Variants in KRT5 observed in about 807,000 individuals in gnomAD.
KRT5 encodes the protein keratin, type II cytoskeletal 5.
KRT5 carries 17 observed loss-of-function variants against 44.0 expected under a neutral mutation model. The observed-to-expected ratio is 0.39, with a 90% confidence interval of 0.26 to 0.58. The LOEUF (loss-of-function observed/expected upper bound fraction) is 0.58. Among genes scored for constraint, KRT5 ranks in the 20% least tolerant of loss-of-function variants. KRT5 has a pLI of 0.61. For synonymous variants in KRT5, 329 were observed against 312.8 expected (o/e 1.05, Z -0.55); for missense variants, 737 against 785.5 (o/e 0.94, Z 0.74).
Position 52,517,126 on chromosome 12 carries a change from A to G in KRT5, c.1199T>C (p.Ile400Thr), listed in dbSNP as rs979317659. Reference protein sequence around the residue: ...NRMIQRLRAEIDNVKKQCANL... With the variant: ...NRMIQRLRAETDNVKKQCANL... ...CCCTACCTGTTTCTTGACATTGTCA[A>G]TCTCGGCTCTCAGCCTCTGGATCAT... Residue 400 changes from isoleucine (I) to threonine (T), a missense_variant, in exon 6 of 9, where the codon ATT becomes ACT. Physicochemically the swap from Ile to Thr is moderately conservative, Grantham distance 89 (BLOSUM62 -1). This residue lies in a region of KRT5 where 344 missense variants were observed against 351.6 expected (regional missense o/e 0.98). Coordinates refer to ENST00000252242, the MANE Select transcript of KRT5 (RefSeq NM_000424.4). 1.2e-5 allele frequency: 19 copies of G among 1,613,992 alleles called. No homozygotes were observed. The highest frequency in any genetic ancestry group is 2.5e-6 in the Non-Finnish European group (3 of 1,180,044).
At chr12:52,516,424 C>G (rs1003421862) in intron 7 of KRT5, 44 of 597,186 alleles carry the variant, frequency 7.4e-5, no homozygotes, top group Non-Finnish European at 1.2e-4. Context: ...GCTTGGAGGA[C>G]AGCCAGTGCC....
chr12:52,515,883 A>G (rs1257028211), intron 7 of KRT5, 51 bp from the exon 8 acceptor site: 8 of 1,499,048 alleles, frequency 5.3e-6, no homozygotes, highest in South Asian at 1.1e-5. Context: ...AAAAGACAGC[A>G]TTAGTCTATG....
chr12:52,514,990 G>C lies in KRT5; in HGVS notation c.1725C>G (p.Val575=), dbSNP rs1266350871. ...AGGAGGAGGTGGTGGAGACAAATTT[G>C]ACGCTGGAGCTGCTACCCCCGCCAC... The part of the protein sequence containing the change: ...FGSGGGSSSS[V]KFVSTTSSSR... Residue 575 remains valine, a synonymous_variant, in exon 9 of 9, where the codon GTC becomes GTG. Transcript: ENST00000252242. 6.2e-7 allele frequency: 1 copy of C among 1,613,278 alleles called. No homozygotes were observed. Among genetic ancestry groups the C allele is most frequent in the Non-Finnish European group, 8.5e-7 (1 of 1,179,866 alleles).
At chr12:52,517,321 T>C in intron 5 of KRT5, 89 bp from the exon 6 acceptor site, 1 of 1,506,178 alleles carries the variant, frequency 6.6e-7, no homozygotes, top group Non-Finnish European at 9.2e-7. Context: ...TACTAAGTGG[T>C]GGCAAATAGT....
Position 52,519,754 on chromosome 12 carries a change from G to A in KRT5, c.543C>T (p.Ser181=), listed in dbSNP as rs556695887. The change falls in exon 1 of 9, where the codon TCC becomes TCT. Residue 181 remains serine, a synonymous_variant. Transcript: ENST00000252242. ...QIKTLNNKFA[S]FIDKVRFLEQ... is the part of the protein sequence containing the mutation. ...GATCGTAGCTCACCTTGTCGATGAA[G>A]GAGGCAAACTTATTGTTGAGGGTCT... 1 of 1,613,906 alleles carries A rather than the reference G, an allele frequency of 6.2e-7. No individual in the cohort carries two copies. The highest frequency in any genetic ancestry group is 1.3e-5 in the African/African-American group (1 of 74,996).
intron 2 of KRT5, among the ~76,000 whole-genome samples, chr12:52,518,688 C>T (rs1191044741): frequency 1.3e-5 from 2 of 152,178 alleles, no homozygotes; most frequent in South Asian, 2.1e-4. Context: ...CAGATTTCAC[C>T]AGGTAGTGCC....
rs1938598460 is a variant in KRT5, at chr12:52,515,677, A to G, written c.1474+121T>C. 2.1e-5 allele frequency: 17 copies of G among 827,654 alleles called. No homozygotes were observed. In the South Asian group the frequency reaches 2.3e-4, roughly 11 times the overall value. 51.3% of individuals were successfully genotyped at this position (827,654 alleles called of 1,614,324 possible). On this transcript the variant is annotated intron_variant, in intron 8 of 8. Transcript: ENST00000252242. Reference sequence around the variant, plus strand: ...CCACCCACAACTTACTAAGTGTATTATTATAAATAACCATATGCTGGGATG... The same window carrying G: ...CCACCCACAACTTACTAAGTGTATTGTTATAAATAACCATATGCTGGGATG...
Position 52,519,152 on chromosome 12 carries a change from G to A in KRT5, c.564C>T (p.Phe188=), listed in dbSNP as rs1266821505. Residue 188 remains phenylalanine (F), a synonymous_variant, in exon 2 of 9, where the codon TTC becomes TTT. Transcript: ENST00000252242. ...KFASFIDKVR[F]LEQQNKVLDT... is the part of the protein sequence containing the mutation. The stretch of plus-strand genomic sequence containing the variant: ...CCAGAACCTTGTTCTGCTGCTCCAG[G>A]AACCGCACCTGGAGGGGAGCAGGGT... 1.2e-6 allele frequency: 2 copies of A among 1,614,196 alleles called. No individual in the cohort carries two copies. Among genetic ancestry groups the A allele is most frequent in the Non-Finnish European group, 1.7e-6 (2 of 1,180,040 alleles).
rs976096175 is a variant in KRT5 at position 52,519,437 on chromosome 12, A to G, written c.556-277T>C. 1.4e-5 allele frequency: 9 copies of G among 630,826 alleles called. No individual in the cohort carries two copies. The South Asian group carries it at 1.5e-4, about 11-fold the overall frequency. 39.1% of individuals were successfully genotyped at this position (630,826 alleles called of 1,614,324 possible). On this transcript the variant is annotated intron_variant, in intron 1 of 8. Transcript: ENST00000252242. The stretch of plus-strand genomic sequence containing the variant: ...TGCAAAGGCACTCAGGCTGCTGCCC[A>G]TGCACTTGTCTACCTTCCTGTACAG...
rs638907 is a variant in KRT5 at position 52,519,733 on chromosome 12, G to A, written c.555+9C>T. On this transcript the variant is annotated intron_variant, in intron 1 of 8. Transcript: ENST00000252242. ...CCACAGTGATTTTTTACAAAAGATC[G>A]TAGCTCACCTTGTCGATGAAGGAGG... 0.24 allele frequency: 381,618 copies of A among 1,611,118 alleles called. 49,781 individuals carry two copies. The highest frequency in any genetic ancestry group is 0.27 in the Middle Eastern group (1,623 of 5,956).
rs1262403815 is a variant in KRT5, at chr12:52,519,953, A to G, written c.344T>C (p.Phe115Ser). 22 of 1,612,218 alleles carry G rather than the reference A, an allele frequency of 1.4e-5. No individual in the cohort carries two copies. Among genetic ancestry groups the G allele is most frequent in the African/African-American group, 2.7e-5 (2 of 74,670 alleles). Residue 115 changes from phenylalanine (F) to serine (S), a missense_variant, in exon 1 of 9, where the codon TTT (phenylalanine) becomes TCT (serine). Transcript: ENST00000252242. ...AAAGCCAGCTCCGCCACCGAGCCCA[A>G]AGCCACCACCAGCTCCACCGCCGAA... Reference protein sequence around the residue: ...FGFGGGAGGGFGLGGGAGFGG... With the variant: ...FGFGGGAGGGSGLGGGAGFGG...
chr12:52,518,005 G>C lies in KRT5; in HGVS notation c.832-13C>G, dbSNP rs949864684. ...CAGCATCTACATCCTGGGGAAACAG[G>C]GATGATTGGCACTGCACACACCGTC... On this transcript the variant is annotated splice_polypyrimidine_tract_variant and intron_variant, in intron 3 of 8. Transcript: ENST00000252242. 3 of 1,612,866 alleles carry C rather than the reference G, an allele frequency of 1.9e-6. No individual in the cohort carries two copies. The highest frequency in any genetic ancestry group is 2.5e-6 in the Non-Finnish European group (3 of 1,178,928).
Position 52,520,310 on chromosome 12 carries a change from T to C in KRT5, c.-14A>G, listed in dbSNP as rs1410400657. The C allele has an allele frequency of 3.1e-6, 5 of 1,611,896 alleles. No individual in the cohort carries two copies. The highest frequency in any genetic ancestry group is 4.2e-6 in the Non-Finnish European group (5 of 1,179,604). ...CTGGCGAGACATGGTGGCTTGTTCC[T>C]GGTGGAGCAAGAGAACCAGGCACTA... On this transcript the variant is annotated 5_prime_UTR_variant, in exon 1 of 9. Coordinates refer to ENST00000252242, the MANE Select transcript of KRT5 (RefSeq NM_000424.4).
Position 52,520,211 on chromosome 12 carries a change from C to G in KRT5, c.86G>C (p.Arg29Pro). 1 of 1,614,040 alleles carries G rather than the reference C, an allele frequency of 6.2e-7. No individual in the cohort carries two copies. Among genetic ancestry groups the G allele is most frequent in the Non-Finnish European group, 8.5e-7 (1 of 1,180,004 alleles). ...TASAITPSVS[R>P]TSFTSVSRSG... is the part of the protein sequence containing the mutation. ...CCGGGACACGGAGGTGAAGCTGGTG[C>G]GGGAGACAGACGGGGTGATGGCAGA... Residue 29 changes from arginine (R) to proline (P), a missense_variant, in exon 1 of 9, where the codon CGC becomes CCC. Physicochemically the swap from Arg to Pro is moderately radical, Grantham distance 103. Transcript: ENST00000252242.
intron 2 of KRT5, chr12:52,518,633 A>G: frequency 1.8e-6 from 1 of 567,946 alleles, no homozygotes; most frequent in Non-Finnish European, 3.2e-6. Context: ...CCAAAGGCCC[A>G]TGTACCGGGG....
intron 1 of KRT5, 100 bp downstream of exon 1, chr12:52,519,642 A>G (rs918692521): frequency 1.2e-5 from 15 of 1,246,992 alleles, no homozygotes; most frequent in Non-Finnish European, 2.4e-6. Flanking sequence ...CTGTACAACT[A>G]TAAAAGTATT....
Position 52,516,870 on chromosome 12 carries a change from A to T in KRT5, c.1219-13T>A. 2 of 1,613,850 alleles carry T rather than the reference A, an allele frequency of 1.2e-6. No individual in the cohort carries two copies. Among genetic ancestry groups the T allele is most frequent in the Non-Finnish European group, 1.7e-6 (2 of 1,179,794 alleles). On this transcript the variant is annotated splice_polypyrimidine_tract_variant and intron_variant, in intron 6 of 8. Coordinates refer to ENST00000252242, the MANE Select transcript of KRT5 (RefSeq NM_000424.4). ...GCAGATTGGCGCACTACAGATAGAAAGGAGGAGAGTGGGGTTGCTTGGGAC... is the reference window on the plus strand; with the variant it reads ...GCAGATTGGCGCACTACAGATAGAATGGAGGAGAGTGGGGTTGCTTGGGAC...
At chr12:52,518,857 G>A in intron 2 of KRT5, 89 bp downstream of exon 2, 1 of 1,505,476 alleles carries the variant, frequency 6.6e-7, no homozygotes, top group Non-Finnish European at 9.2e-7. Flanking sequence ...CAGCCCCAAA[G>A]GAAGGCATGG....
rs191867115 is a variant in KRT5 at position 52,516,535 on chromosome 12, C to T, written c.1439+102G>A. On this transcript the variant is annotated intron_variant, in intron 7 of 8. Coordinates refer to ENST00000252242, the MANE Select transcript of KRT5 (RefSeq NM_000424.4). The stretch of plus-strand genomic sequence containing the variant: ...TAGTGTTGATGATGTGTCATTATCA[C>T]GCACAAGTCACTGATCTCATGTATG... The T allele has an allele frequency of 7.9e-4, 905 of 1,152,270 alleles. 4 individuals are homozygous for T. Among genetic ancestry groups the T allele is most frequent in the Middle Eastern group, 3.0e-3 (11 of 3,708 alleles). The allele number at this position is 1,152,270 out of a possible 1,614,324, so 71.4% of individuals were successfully genotyped here.
Sources: gnomAD v4.1 joint callset for allele counts (sites outside exome capture counted in the v4.1 genomes callset) on GRCh38, gnomAD v4.1.1 for gene constraint, gnomAD v4.1.1 regional missense constraint, MANE v1.5 for transcripts, NCBI Gene and HGNC (gene_info 2026-07-23, HGNC 2026-07-21) for gene names.